Variants in SLC4A4 observed in about 807,000 individuals in gnomAD.
SLC4A4 encodes the protein solute carrier family 4 member 4.
Under a neutral mutation model 111.5 loss-of-function variants are expected in SLC4A4, and 27 were observed. The observed-to-expected ratio is 0.24, with a 90% confidence interval of 0.18 to 0.33. The LOEUF is 0.33. SLC4A4 is among the 10% of genes least tolerant of loss of function. SLC4A4 has a pLI of 1.00. For synonymous variants in SLC4A4, 443 were observed against 463.4 expected (o/e 0.96, Z 0.57); for missense variants, 909 against 1,315.5 (o/e 0.69, Z 4.78).
intron 6 of SLC4A4, among the ~76,000 whole-genome samples, chr4:71,386,585 T>C (rs1443142297): frequency 1.3e-5 from 2 of 149,494 alleles, no homozygotes; most frequent in Non-Finnish European, 2.9e-5. Flanking sequence ...AGGTTTTTTC[T>C]TTTCTTTTTT....
chr4:71,282,033 A>G (rs1013234566), intron 3 of SLC4A4, among the ~76,000 whole-genome samples: 1 of 151,522 alleles, frequency 6.6e-6, no homozygotes, highest in Admixed American at 6.6e-5. Flanking sequence ...GTTCATGCAT[A>G]CAAGTTCTGA....
chr4:71,398,233 T>A (rs1321539016), intron 7 of SLC4A4, among the ~76,000 whole-genome samples: 1 of 148,642 alleles, frequency 6.7e-6, no homozygotes, highest in Non-Finnish European at 1.5e-5. Flanking sequence ...TGCATTGCAC[T>A]GAGATCGCAC....
At chr4:71,112,981 GACCTTT>G (rs1743135417) in intron 2 of SLC4A4, among the ~76,000 whole-genome samples, 1 of 152,122 alleles carries the variant, frequency 6.6e-6, no homozygotes, top group Non-Finnish European at 1.5e-5. Context: ...GGAAAATGAG[GACCTTT>G]ACCCTGCAGT....
At chr4:71,245,976 G>A (rs1249706297) in intron 2 of SLC4A4, among the ~76,000 whole-genome samples, 1 of 152,116 alleles carries the variant, frequency 6.6e-6, no homozygotes, top group African/African-American at 2.4e-5. Flanking sequence ...GTAAGATGAG[G>A]ATTAAATAGT....
Position 71,388,166 on chromosome 4 carries a change from A to G in SLC4A4, c.731-9411A>G, listed in dbSNP as rs73828133. ...ATTCTTTTCTCTTTCTGCTTTTGTG[A>G]GATAAGAAGGTCACAAATTATTTTA... On this transcript the variant is annotated intron_variant, in intron 6 of 25. Transcript: ENST00000264485. 7.9e-3 allele frequency among the ~76,000 whole-genome samples: 1,207 copies of G among 152,260 alleles called. 17 individuals are homozygous for G. Among genetic ancestry groups the G allele is most frequent in the African/African-American group, 0.026 (1,067 of 41,534 alleles).
At chr4:71,254,376 C>T (rs1465846083) in intron 2 of SLC4A4, among the ~76,000 whole-genome samples, 1 of 152,056 alleles carries the variant, frequency 6.6e-6, no homozygotes, top group Non-Finnish European at 1.5e-5. Flanking sequence ...CAGCTCCTTC[C>T]ATCTAGAGAG....
intron 2 of SLC4A4, among the ~76,000 whole-genome samples, chr4:71,251,151 C>A (rs1164795561): frequency 6.6e-6 from 1 of 152,198 alleles, no homozygotes; most frequent in Non-Finnish European, 1.5e-5. Flanking sequence ...TTTGGCTGAT[C>A]TAAAACCCTT....
intron 1 of SLC4A4, among the ~76,000 whole-genome samples, chr4:71,196,874 A>AAAAAAAAG (rs1746032213): frequency 7.1e-6 from 1 of 140,938 alleles, no homozygotes; most frequent in Non-Finnish European, 1.5e-5. Flanking sequence ...AAAAAAAAAA[A>AAAAAAAAG]TGCAGACAGA....
intron 6 of SLC4A4, among the ~76,000 whole-genome samples, chr4:71,384,308 G>A (rs888585706): frequency 2.6e-4 from 40 of 152,158 alleles, no homozygotes; most frequent in African/African-American, 8.0e-4. Context: ...CAGCACTTTG[G>A]TCTACAGTGT....
At chr4:71,507,680 T>C (rs745842441) in intron 16 of SLC4A4, among the ~76,000 whole-genome samples, 1 of 152,128 alleles carries the variant, frequency 6.6e-6, no homozygotes, top group Non-Finnish European at 1.5e-5. Flanking sequence ...ATTATACATA[T>C]CATCAAGAGA....
chr4:71,358,672 G>A (rs1257487324), intron 6 of SLC4A4, among the ~76,000 whole-genome samples: 4 of 152,108 alleles, frequency 2.6e-5, no homozygotes, highest in Non-Finnish European at 5.9e-5. Context: ...TATTGCTGCT[G>A]ATGGGAAATA....
intron 2 of SLC4A4, among the ~76,000 whole-genome samples, chr4:71,097,555 G>A (rs1190903451): frequency 6.6e-6 from 1 of 152,150 alleles, no homozygotes; most frequent in Non-Finnish European, 1.5e-5. Flanking sequence ...TGAGATTGCT[G>A]GGTTGAATGG....
At chr4:71,435,900 A>C (rs1724092584) in intron 7 of SLC4A4, among the ~76,000 whole-genome samples, 1 of 152,240 alleles carries the variant, frequency 6.6e-6, no homozygotes, top group Admixed American at 6.5e-5. Context: ...TTAAAAAGTC[A>C]GGAAACAACA....
chr4:71,150,487 C>A lies in SLC4A4; in HGVS notation c.-2+57695C>A, dbSNP rs142753572. On this transcript the variant is annotated intron_variant, in intron 2 of 26. Coordinates refer to the SLC4A4 transcript ENST00000649996. ...GAGAACTAAGCCAGTAAATACAGAG[C>A]CTTTTTTAGTCAGCAGAAGGCAAAT... Among the ~76,000 whole-genome samples the A allele has an allele frequency of 6.6e-5, 10 of 152,166 alleles. 1 individual carries two copies. Among genetic ancestry groups the A allele is most frequent in the African/African-American group, 2.4e-4 (10 of 41,526 alleles).
Position 71,563,673 on chromosome 4 carries a change from T to G in SLC4A4, c.3100-120T>G, listed in dbSNP as rs530379288. On this transcript the variant is annotated intron_variant, in intron 23 of 25. Coordinates refer to ENST00000264485, the MANE Select transcript of SLC4A4 (RefSeq NM_001098484.3). ...AAAGATGGCAAACTGGAAGTAATTA[T>G]AAGGCTTTTCTCCTTAGTAGTATGT... The G allele has an allele frequency of 7.6e-5, 56 of 735,880 alleles. No individual in the cohort carries two copies. In the African/African-American group the frequency reaches 8.2e-4, roughly 11 times the overall value. The allele number at this position is 735,880 out of a possible 1,614,324, so 45.6% of individuals were successfully genotyped here.
At chr4:71,423,079 C>CTACCATTTCTAGA (rs1458984737) in intron 7 of SLC4A4, among the ~76,000 whole-genome samples, 31 of 152,262 alleles carry the variant, frequency 2.0e-4, no homozygotes, top group African/African-American at 7.5e-4. Context: ...GGTTGTATAT[C>CTACCATTTCTAGA]TAGAAAACCC....
chr4:71,356,864 C>T (rs1477762367), intron 5 of SLC4A4, 144 bp from the exon 6 acceptor site: 1 of 726,468 alleles, frequency 1.4e-6, no homozygotes, highest in Non-Finnish European at 2.3e-6. Flanking sequence ...GTGTCTTTAT[C>T]TTTTACATAA....
At chr4:71,539,389 C>A (rs560459445) in intron 18 of SLC4A4, among the ~76,000 whole-genome samples, 2 of 152,084 alleles carry the variant, frequency 1.3e-5, no homozygotes, top group East Asian at 3.9e-4. Context: ...TTGTCCTAGC[C>A]TGGGTTTTAA....
intron 1 of SLC4A4, among the ~76,000 whole-genome samples, chr4:71,081,658 A>G (rs956872718): frequency 3.3e-5 from 5 of 152,072 alleles, no homozygotes; most frequent in Non-Finnish European, 5.9e-5. Flanking sequence ...ATTGAGCTGC[A>G]CTGGTCTTGC....
Sources: gnomAD v4.1 joint callset for allele counts (sites outside exome capture counted in the v4.1 genomes callset) on GRCh38, gnomAD v4.1.1 for gene constraint, MANE v1.5 for transcripts, NCBI Gene and HGNC (gene_info 2026-07-23, HGNC 2026-07-21) for gene names.